KIDINS220: variants seen among roughly 807,000 people sequenced by gnomAD.
KIDINS220 encodes the protein kinase D interacting substrate 220.
A neutral mutation model predicts 157.6 loss-of-function variants in KIDINS220; 63 were observed. The ratio of observed to expected loss-of-function variants is 0.40; its 90% CI spans 0.33 to 0.49. KIDINS220 has a LOEUF of 0.49. Ranked by LOEUF, KIDINS220 falls within the 20% of genes least tolerant of loss-of-function variation. The pLI, the probability that KIDINS220 is intolerant of heterozygous loss-of-function variation, is 0.66. For missense variants in KIDINS220, 1,772 were observed against 2,171.2 expected (o/e 0.82, Z 3.65); for synonymous variants, 732 against 783.6 (o/e 0.93, Z 1.10).
In KIDINS220 at chr2:8,763,089, A is replaced by C. The variant is rs10193776; in HGVS notation, c.3011+7581T>G. Among the ~76,000 whole-genome samples the C allele has an allele frequency of 5.1e-3, 775 of 152,358 alleles. 3 individuals carry two copies. Among genetic ancestry groups the C allele is most frequent in the Non-Finnish European group, 7.5e-3 (513 of 68,044 alleles). On this transcript the variant is annotated intron_variant, in intron 22 of 29. Coordinates refer to ENST00000256707, the MANE Select transcript of KIDINS220 (RefSeq NM_020738.4). ...TAAGTTATTCTAAATACTCATAGATATATCAATGAAAAGTTAAAATCTATC... is the reference window on the plus strand; with the variant it reads ...TAAGTTATTCTAAATACTCATAGATCTATCAATGAAAAGTTAAAATCTATC...
At chr2:8,809,012 T>G (rs1028768464) in intron 6 of KIDINS220, among the ~76,000 whole-genome samples, 6 of 10,854 alleles carry the variant, frequency 5.5e-4, no homozygotes, top group South Asian at 7.7e-3. Flanking sequence ...TTTTTTGGTT[T>G]GTTTGTTTGT....
chr2:8,805,722 T>C (rs1389589080), intron 7 of KIDINS220, among the ~76,000 whole-genome samples: 1 of 152,168 alleles, frequency 6.6e-6, no homozygotes, highest in African/African-American at 2.4e-5. Flanking sequence ...ATAAGTTCCA[T>C]AAGATTATGA....
At chr2:8,771,724 T>C (rs1310466146) in intron 21 of KIDINS220, among the ~76,000 whole-genome samples, 1 of 152,154 alleles carries the variant, frequency 6.6e-6, no homozygotes, top group Non-Finnish European at 1.5e-5. Context: ...TACATATAGA[T>C]ATATAAGCCC....
rs145434923 is a variant in KIDINS220, at chr2:8,815,607, T to G, written c.306+2011A>C. On this transcript the variant is annotated intron_variant, in intron 4 of 29. Coordinates refer to ENST00000256707, the MANE Select transcript of KIDINS220 (RefSeq NM_020738.4). The stretch of plus-strand genomic sequence containing the variant: ...TTGCTTGAACCTGGGAGGCAGAGGT[T>G]GCAGTGAGCCAAGATTGTGCCACTG... Among the ~76,000 whole-genome samples the G allele has an allele frequency of 7.3e-3, 1,112 of 152,120 alleles. 21 individuals are homozygous for G. The highest frequency in any genetic ancestry group is 0.025 in the African/African-American group (1,057 of 41,516).
At chr2:8,829,309 T>G (rs1486700817) in intron 1 of KIDINS220, among the ~76,000 whole-genome samples, 2 of 152,206 alleles carry the variant, frequency 1.3e-5, no homozygotes, top group African/African-American at 4.8e-5. Flanking sequence ...TGTTATTACA[T>G]GTAAAGTATA....
At position 8,794,627 on chromosome 2, in the gene KIDINS220, C is replaced by A. The variant is rs1200783119; in HGVS notation, c.1099-640G>T. On this transcript the variant is annotated intron_variant, in intron 11 of 29. Coordinates refer to ENST00000256707, the MANE Select transcript of KIDINS220 (RefSeq NM_020738.4). ...TCACCTTTCACTTTTCCCTATCAAC[C>A]CACCTTCTCTCCTTATTAGCATCTC... 2.6e-5 allele frequency among the ~76,000 whole-genome samples: 4 copies of A among 152,142 alleles called. No homozygotes were observed. The East Asian group carries it at 7.7e-4, about 29-fold the overall frequency.
At chr2:8,790,657 T>G (rs1300518172) in intron 13 of KIDINS220, among the ~76,000 whole-genome samples, 1 of 152,108 alleles carries the variant, frequency 6.6e-6, no homozygotes, top group African/African-American at 2.4e-5. Flanking sequence ...GCATGCATGT[T>G]GGGTGGGTGG....
Position 8,813,301 on chromosome 2 carries a change from T to G in KIDINS220, c.341A>C (p.Lys114Thr), listed in dbSNP as rs1465902931. ...GWTALMWACY[K>T]GRTDVVELLL... ...CAACTCTACTACGTCAGTACGGCCT[T>G]TGTAACATGCCCACATAAGAGCTGT... Residue 114 changes from lysine to threonine, a missense_variant, in exon 5 of 30, where the codon AAA becomes ACA. By Grantham distance (78) the Lys-to-Thr change is moderately conservative. This residue lies in a region of KIDINS220 where 254 missense variants were observed against 268.6 expected (regional missense o/e 0.95). Coordinates refer to ENST00000256707, the MANE Select transcript of KIDINS220 (RefSeq NM_020738.4). The G allele has an allele frequency of 3.1e-6, 5 of 1,613,412 alleles. No individual in the cohort carries two copies. In the East Asian group the frequency reaches 1.1e-4, roughly 36 times the overall value.
chr2:8,726,258 A>G (rs1663302610), downstream of KIDINS220, among the ~76,000 whole-genome samples: 2 of 152,072 alleles, frequency 1.3e-5, no homozygotes, highest in African/African-American at 2.4e-5. Flanking sequence ...CCCGGGCCCC[A>G]CTCAAAAAGG....
chr2:8,744,388 AATATATATATATAATATATATAT>A (rs1388390449), intron 26 of KIDINS220, among the ~76,000 whole-genome samples: 3 of 26,160 alleles, frequency 1.1e-4, no homozygotes, highest in Admixed American at 7.3e-4. Context: ...AAAAAAAAAA[AATATATATATATAATATATATAT>A]ATATATATAT....
intron 7 of KIDINS220, among the ~76,000 whole-genome samples, chr2:8,805,294 C>A (rs1675288471): frequency 6.6e-6 from 1 of 152,080 alleles, no homozygotes; most frequent in Non-Finnish European, 1.5e-5. Flanking sequence ...TTTATTAAAT[C>A]ATTGGTCAAT....
intron 22 of KIDINS220, among the ~76,000 whole-genome samples, chr2:8,769,056 T>C (rs1011817493): frequency 1.3e-5 from 2 of 152,192 alleles, no homozygotes; most frequent in Non-Finnish European, 2.9e-5. Context: ...CAGTCATAGA[T>C]GGCAAGCCTG....
Position 8,730,045 on chromosome 2 carries a change from G to A in KIDINS220, c.*675C>T, listed in dbSNP as rs1160832916. ...AAGAGTTTCCGACATATAAACCCACGGAGGTCACCAGCCCTCCCCGCATCT... is the reference window on the plus strand; with the variant it reads ...AAGAGTTTCCGACATATAAACCCACAGAGGTCACCAGCCCTCCCCGCATCT... On this transcript the variant is annotated 3_prime_UTR_variant, in exon 30 of 30. Transcript: ENST00000256707. 6 of 985,330 alleles carry A rather than the reference G, an allele frequency of 6.1e-6. No individual in the cohort carries two copies. Among genetic ancestry groups the A allele is most frequent in the African/African-American group, 5.2e-5 (3 of 57,216 alleles). The allele number at this position is 985,330 out of a possible 1,614,324, so 61.0% of individuals were successfully genotyped here. A position where few individuals can be genotyped will look rare whatever the true frequency, so the allele number is the denominator to read the frequency against.
chr2:8,834,700 T>C (rs939590481), intron 1 of KIDINS220, among the ~76,000 whole-genome samples: 1 of 152,168 alleles, frequency 6.6e-6, no homozygotes, highest in African/African-American at 2.4e-5. Context: ...TGAATGGACA[T>C]GCCCAAGCTG....
At chr2:8,754,643 G>C (rs946272887) in intron 22 of KIDINS220, among the ~76,000 whole-genome samples, 2 of 152,142 alleles carry the variant, frequency 1.3e-5, no homozygotes, top group Admixed American at 1.3e-4. Flanking sequence ...TAAGTTAAAA[G>C]CATTTTGATT....
downstream of KIDINS220, among the ~76,000 whole-genome samples, chr2:8,726,573 T>C (rs1663338797): frequency 6.6e-6 from 1 of 152,216 alleles, no homozygotes; most frequent in Non-Finnish European, 1.5e-5. Flanking sequence ...TTCTGAGAAA[T>C]GCGCTGTTGG....
intron 26 of KIDINS220, among the ~76,000 whole-genome samples, chr2:8,744,092 T>C (rs1666005937): frequency 6.8e-6 from 1 of 146,578 alleles, no homozygotes; most frequent in Non-Finnish European, 1.5e-5. Context: ...ATCTTTTATA[T>C]TACTATATCA....
intron 26 of KIDINS220, chr2:8,746,365 C>T (rs1271981865): frequency 1.3e-5 from 2 of 152,056 alleles, no homozygotes; most frequent in African/African-American, 2.4e-5. Flanking sequence ...CTCGGCCTCC[C>T]AAAGTGCTGG....
chr2:8,779,275 G>A, intron 18 of KIDINS220, 136 bp from the exon 19 acceptor site: 6 of 1,126,340 alleles, frequency 5.3e-6, no homozygotes, highest in African/African-American at 1.6e-5. Context: ...AACTTACTCT[G>A]CACAAAAGCA....
Sources: allele counts gnomAD v4.1 joint callset (sites outside exome capture counted in the v4.1 genomes callset), GRCh38; gene constraint gnomAD v4.1.1; regional missense constraint gnomAD v4.1.1; transcripts MANE v1.5; gene names NCBI Gene and HGNC (gene_info 2026-07-23, HGNC 2026-07-21).